FRAS1: variants seen among roughly 807,000 people sequenced by gnomAD.
FRAS1 encodes extracellular matrix organizing protein FRAS1.
FRAS1 carries 290 observed loss-of-function variants against 435.2 expected under a neutral mutation model. The ratio of observed to expected loss-of-function variants is 0.67; its 90% CI spans 0.61 to 0.73. FRAS1 has a LOEUF of 0.73. FRAS1 is among the 30% of genes least tolerant of loss of function. FRAS1 has a pLI of 0.00. For synonymous variants in FRAS1, 1,800 were observed against 1,851.0 expected (o/e 0.97, Z 0.71); for missense variants, 4,860 against 5,001.5 (o/e 0.97, Z 0.85).
intron 2 of FRAS1, among the ~76,000 whole-genome samples, chr4:78,208,611 A>G (rs1382104807): frequency 6.6e-6 from 1 of 152,228 alleles, no homozygotes; most frequent in Non-Finnish European, 1.5e-5. Flanking sequence ...GAAATAAAGG[A>G]CACATTTAGA....
At chr4:78,363,713 C>T (rs903171654) in intron 21 of FRAS1, 48 bp downstream of exon 21, 5 of 1,545,652 alleles carry the variant, frequency 3.2e-6, no homozygotes, top group Admixed American at 2.0e-5. Context: ...CTGAGGTTCT[C>T]TTGGGGCAGT....
intron 14 of FRAS1, among the ~76,000 whole-genome samples, chr4:78,287,261 A>G (rs1727656795): frequency 6.6e-6 from 1 of 152,194 alleles, no homozygotes; most frequent in Non-Finnish European, 1.5e-5. Flanking sequence ...AACTGCCCCC[A>G]TGATCCAATC....
chr4:78,473,491 G>A lies in FRAS1; in HGVS notation c.7576G>A (p.Glu2526Lys), dbSNP rs1719769803. 2 of 1,613,364 alleles carry A rather than the reference G, an allele frequency of 1.2e-6. No homozygotes were observed. Among genetic ancestry groups the A allele is most frequent in the Non-Finnish European group, 1.7e-6 (2 of 1,179,570 alleles). The change falls in exon 53 of 74, where the codon GAG becomes AAG. Residue 2526 changes from glutamate (E) to lysine (K), a missense_variant. By Grantham distance (56) the Glu-to-Lys change is moderately conservative (BLOSUM62 1). Transcript: ENST00000512123. ...RYVLHKEKIR[E>K]MMDSFQFLVK... Reference sequence around the variant, plus strand: ...TGTGTTGCACAAGGAGAAGATCCGTGAGATGATGGATAGTTTTCAGTTTCT... The same window carrying A: ...TGTGTTGCACAAGGAGAAGATCCGTAAGATGATGGATAGTTTTCAGTTTCT...
At chr4:78,329,529 A>C (rs1729857074) in intron 18 of FRAS1, among the ~76,000 whole-genome samples, 1 of 152,200 alleles carries the variant, frequency 6.6e-6, no homozygotes, top group Non-Finnish European at 1.5e-5. Context: ...AGCCAATTTC[A>C]CCCAAATGTG....
intron 2 of FRAS1, among the ~76,000 whole-genome samples, chr4:78,109,450 A>C (rs1319783781): frequency 6.6e-6 from 1 of 151,956 alleles, no homozygotes; most frequent in Admixed American, 6.6e-5. Flanking sequence ...TCAACATACG[A>C]AAATCAATAA....
At chr4:78,119,260 G>T (rs1304153207) in intron 2 of FRAS1, among the ~76,000 whole-genome samples, 2 of 152,234 alleles carry the variant, frequency 1.3e-5, no homozygotes, top group East Asian at 3.9e-4. Flanking sequence ...ATCCTACAGT[G>T]ATAGAGCATG....
In FRAS1 at chr4:78,513,413, C is replaced by A; in HGVS notation, c.10035C>A (p.Ile3345=). The change falls in exon 65 of 74, where the codon ATC becomes ATA. Residue 3345 remains isoleucine, a synonymous_variant. Transcript: ENST00000512123. ...CTAGAATCCACATTTCGGTGCAGAT[C>A]CCACACCAGGATGGAATGCTGCCCC... is the stretch of plus-strand genomic sequence containing the variant. The part of the protein sequence containing the change: ...HPNRIHISVQ[I]PHQDGMLPLI... 6.2e-7 allele frequency: 1 copy of A among 1,613,864 alleles called. No homozygotes were observed. The highest frequency in any genetic ancestry group is 8.5e-7 in the Non-Finnish European group (1 of 1,179,822).
intron 59 of FRAS1, among the ~76,000 whole-genome samples, chr4:78,489,971 A>AAAAAAAAC (rs1553891078): frequency 2.1e-5 from 3 of 140,998 alleles, no homozygotes; most frequent in Non-Finnish European, 4.5e-5. Flanking sequence ...TGGAAAACAA[A>AAAAAAAAC]AAAAAAAAAA....
At chr4:78,145,566 G>C (rs1720382869) in intron 2 of FRAS1, among the ~76,000 whole-genome samples, 1 of 152,162 alleles carries the variant, frequency 6.6e-6, no homozygotes, top group Admixed American at 6.5e-5. Flanking sequence ...ACTGAGCTAT[G>C]AGAAGCTCGG....
chr4:78,465,422 T>C (rs1254317396), intron 49 of FRAS1, among the ~76,000 whole-genome samples: 1 of 152,226 alleles, frequency 6.6e-6, no homozygotes, highest in Non-Finnish European at 1.5e-5. Flanking sequence ...TTGATAGATA[T>C]GCTGCTTTAG....
In FRAS1 at chr4:78,114,405, A is replaced by G. The variant is rs531838554; in HGVS notation, c.108+48389A>G. Among the ~76,000 whole-genome samples the G allele has an allele frequency of 5.3e-5, 8 of 152,238 alleles. No homozygotes were observed. The East Asian group carries it at 7.7e-4, about 15-fold the overall frequency. The stretch of plus-strand genomic sequence containing the variant: ...GGTTGATGGGGATGGCTTTGAATCT[A>G]TAAATTACCTTGGGAAGTATGGCCA... On this transcript the variant is annotated intron_variant, in intron 2 of 73. Transcript: ENST00000512123.
chr4:78,400,943 T>C (rs576214505), intron 30 of FRAS1, 56 bp downstream of exon 30: 1 of 1,555,386 alleles, frequency 6.4e-7, no homozygotes, highest in East Asian at 2.3e-5. Flanking sequence ...GTCTAGGGTT[T>C]GCTACTGTAT....
At chr4:78,237,875 A>G (rs1291456991) in intron 3 of FRAS1, among the ~76,000 whole-genome samples, 1 of 152,202 alleles carries the variant, frequency 6.6e-6, no homozygotes, top group African/African-American at 2.4e-5. Context: ...TAAGGTCTTA[A>G]TAATGTTATC....
At chr4:78,343,456 A>G (rs1730479520) in intron 20 of FRAS1, among the ~76,000 whole-genome samples, 2 of 108,636 alleles carry the variant, frequency 1.8e-5, no homozygotes, top group South Asian at 3.3e-4. Flanking sequence ...TCTCTCTTCT[A>G]CCCTACCTTC....
At chr4:78,366,454 T>C (rs1286979685) in intron 22 of FRAS1, among the ~76,000 whole-genome samples, 1 of 152,212 alleles carries the variant, frequency 6.6e-6, no homozygotes, top group Non-Finnish European at 1.5e-5. Context: ...TGGTATAGAA[T>C]AAGCTTCCTC....
intron 2 of FRAS1, among the ~76,000 whole-genome samples, chr4:78,100,982 A>G (rs1026425154): frequency 6.6e-6 from 1 of 152,178 alleles, no homozygotes; most frequent in Non-Finnish European, 1.5e-5. Flanking sequence ...GGGAAGGGAA[A>G]AGAAGCTAAT....
rs748522498 is a variant in FRAS1 at position 78,317,390 on chromosome 4, C to G, written c.1842C>G (p.Ser614Arg). The G allele has an allele frequency of 9.3e-6, 15 of 1,613,840 alleles. No individual in the cohort carries two copies. The highest frequency in any genetic ancestry group is 1.1e-5 in the Non-Finnish European group (13 of 1,179,896). The change falls in exon 17 of 74, where the codon AGC becomes AGG. Residue 614 changes from serine (S) to arginine (R), a missense_variant. Ser to Arg is a moderately radical substitution (Grantham distance 110, BLOSUM62 -1). Coordinates refer to ENST00000512123, the MANE Select transcript of FRAS1 (RefSeq NM_025074.7). ...CAGTTTGTCATAACTCATGTGCCAGCTGCTCTGGGCCCACACCCTCTCACT... is the reference window on the plus strand; with the variant it reads ...CAGTTTGTCATAACTCATGTGCCAGGTGCTCTGGGCCCACACCCTCTCACT... The part of the protein sequence containing the change: ...RCKVCHNSCA[S>R]CSGPTPSHCT...
intron 2 of FRAS1, among the ~76,000 whole-genome samples, chr4:78,078,642 C>T (rs963163309): frequency 1.1e-4 from 16 of 151,828 alleles, no homozygotes; most frequent in African/African-American, 3.9e-4. Context: ...ATAATTCATT[C>T]AATAATAATT....
At chr4:78,181,309 A>AC in intron 2 of FRAS1, 1 of 1,608,162 alleles carries the variant, frequency 6.2e-7, no homozygotes, top group Non-Finnish European at 8.5e-7. Flanking sequence ...GATGTTCTTC[A>AC]CCTTCAGGTG....
Sources: allele counts gnomAD v4.1 joint callset (sites outside exome capture counted in the v4.1 genomes callset), GRCh38; gene constraint gnomAD v4.1.1; transcripts MANE v1.5; gene names NCBI Gene and HGNC (gene_info 2026-07-23, HGNC 2026-07-21).